The following GRM8 variants were observed in gnomAD, a reference collection of about 807,000 sequenced individuals.
GRM8 encodes glutamate metabotropic receptor 8.
A neutral mutation model predicts 87.2 loss-of-function variants in GRM8; 47 were observed. That is an observed-to-expected ratio of 0.54 (90% confidence interval 0.43 to 0.69). The LOEUF is 0.69. Among genes scored for constraint, GRM8 ranks in the 30% least tolerant of loss-of-function variants. GRM8 has a pLI of 0.00. For missense variants in GRM8, 1,019 were observed against 1,139.2 expected (o/e 0.89, Z 1.52); for synonymous variants, 396 against 404.5 (o/e 0.98, Z 0.25).
At chr7:127,080,207 C>T (rs894420792) in intron 3 of GRM8, among the ~76,000 whole-genome samples, 4 of 152,094 alleles carry the variant, frequency 2.6e-5, no homozygotes, top group Non-Finnish European at 5.9e-5. Context: ...AAAAAAGACT[C>T]GCTTGATCAT....
rs201752890 is a variant in GRM8 at position 127,083,643 on chromosome 7, T to TAACAAC, written c.727+22847_727+22852dup. On this transcript the variant is annotated intron_variant, in intron 3 of 10. Transcript: ENST00000339582. ...GCCCCCATACTCCTTGCATCCTACC[T>TAACAAC]AACAACAACAACAACAACAAAATCT... Among the ~76,000 whole-genome samples the TAACAAC allele has an allele frequency of 1.3e-4, 19 of 151,084 alleles. No individual in the cohort carries two copies. The South Asian group carries it at 3.8e-3, about 30-fold the overall frequency.
chr7:127,089,239 A>C (rs1823818222), intron 3 of GRM8, among the ~76,000 whole-genome samples: 1 of 152,230 alleles, frequency 6.6e-6, no homozygotes, highest in African/African-American at 2.4e-5. Flanking sequence ...GGAGTTATGC[A>C]GCTACAAGGC....
intron 3 of GRM8, among the ~76,000 whole-genome samples, chr7:126,942,148 A>G (rs1053009094): frequency 4.6e-5 from 7 of 151,670 alleles, no homozygotes; most frequent in Admixed American, 2.0e-4. Flanking sequence ...GAGCAAGCAA[A>G]TTTCCAAGCA....
intron 2 of GRM8, among the ~76,000 whole-genome samples, chr7:127,218,596 T>C (rs1796718002): frequency 6.6e-6 from 1 of 152,216 alleles, no homozygotes; most frequent in Non-Finnish European, 1.5e-5. Flanking sequence ...TGGTGCATAG[T>C]GAGCGTCAGC....
chr7:126,557,734 A>T (rs908099895), intron 8 of GRM8, among the ~76,000 whole-genome samples: 1 of 152,112 alleles, frequency 6.6e-6, no homozygotes, highest in Non-Finnish European at 1.5e-5. Flanking sequence ...ATTTGGGCAA[A>T]CTGTAAAAAT....
At chr7:126,833,281 G>C (rs1795557357) in intron 6 of GRM8, among the ~76,000 whole-genome samples, 1 of 152,130 alleles carries the variant, frequency 6.6e-6, no homozygotes, top group African/African-American at 2.4e-5. Flanking sequence ...GAAAAATTTA[G>C]ACAACTATTT....
chr7:127,193,524 G>A (rs1028187637), intron 2 of GRM8, among the ~76,000 whole-genome samples: 8 of 152,156 alleles, frequency 5.3e-5, no homozygotes, highest in African/African-American at 1.2e-4. Flanking sequence ...ATGTGAGGTC[G>A]GTTAATTCTC....
In GRM8 at chr7:126,769,982, A is replaced by C. The variant is rs1205685844; in HGVS notation, c.1240T>G (p.Tyr414Asp). ...TCTTTGTGCATATTGTGCAGGGCGT[A>C]AGCCATGGAATATACAGCATCAATT... The part of the protein sequence containing the change: ...FVIDAVYSMA[Y>D]ALHNMHKDLC... Residue 414 changes from tyrosine to aspartate, a missense_variant, in exon 7 of 11, where the codon TAC (tyrosine) becomes GAC (aspartate). Transcript: ENST00000339582. The C allele has an allele frequency of 2.5e-6, 4 of 1,612,018 alleles. No homozygotes were observed. The African/African-American group carries it at 5.3e-5, about 22-fold the overall frequency.
chr7:127,105,656 T>G (rs1474901814), intron 3 of GRM8, among the ~76,000 whole-genome samples: 2 of 152,230 alleles, frequency 1.3e-5, no homozygotes, highest in South Asian at 4.1e-4. Flanking sequence ...ATGGACACTT[T>G]AATTTTTCCA....
At chr7:126,575,125 A>C (rs1585096834) in intron 8 of GRM8, among the ~76,000 whole-genome samples, 1 of 152,170 alleles carries the variant, frequency 6.6e-6, no homozygotes, top group East Asian at 1.9e-4. Context: ...GCCTGTTAGG[A>C]ACTGGGCTGC....
At chr7:127,126,566 C>A (rs1416296300) in intron 2 of GRM8, among the ~76,000 whole-genome samples, 2 of 151,924 alleles carry the variant, frequency 1.3e-5, no homozygotes, top group African/African-American at 4.8e-5. Flanking sequence ...GCCAAGACTT[C>A]ACCACTATAT....
At chr7:126,509,841 A>G (rs1042711150) in intron 9 of GRM8, among the ~76,000 whole-genome samples, 3 of 152,064 alleles carry the variant, frequency 2.0e-5, no homozygotes, top group Non-Finnish European at 4.4e-5. Context: ...CACATAGGAC[A>G]TAGGTAATAA....
intron 7 of GRM8, among the ~76,000 whole-genome samples, chr7:126,743,919 G>T (rs961181863): frequency 6.6e-5 from 10 of 151,898 alleles, no homozygotes; most frequent in African/African-American, 2.2e-4. Flanking sequence ...ATAAGAAAAA[G>T]AAAAAGCAAC....
intron 2 of GRM8, among the ~76,000 whole-genome samples, chr7:127,139,036 C>T (rs1828106382): frequency 6.6e-6 from 1 of 152,100 alleles, no homozygotes; most frequent in South Asian, 2.1e-4. Context: ...TGCCCAAGGT[C>T]TTCTATAATA....
At chr7:126,497,400 T>C (rs978759213) in intron 9 of GRM8, among the ~76,000 whole-genome samples, 2 of 151,968 alleles carry the variant, frequency 1.3e-5, no homozygotes, top group Admixed American at 1.3e-4. Context: ...ATTCAGGGTA[T>C]TTTCATTAGC....
chr7:126,790,611 G>T (rs1821176799), intron 6 of GRM8, among the ~76,000 whole-genome samples: 1 of 152,142 alleles, frequency 6.6e-6, no homozygotes, highest in Non-Finnish European at 1.5e-5. Flanking sequence ...GATTATGATT[G>T]TAAGTCCTAG....
chr7:127,152,380 G>A (rs1792442737), intron 2 of GRM8, among the ~76,000 whole-genome samples: 1 of 152,044 alleles, frequency 6.6e-6, no homozygotes, highest in South Asian at 2.1e-4. Flanking sequence ...AGGCAAAAGT[G>A]GCAAGACAGG....
chr7:127,111,579 C>G (rs1375757582), intron 2 of GRM8, among the ~76,000 whole-genome samples: 1 of 152,216 alleles, frequency 6.6e-6, no homozygotes, highest in African/African-American at 2.4e-5. Flanking sequence ...CCATCTTAGG[C>G]TATGACCTAG....
chr7:126,723,657 A>T (rs1029444459), intron 7 of GRM8, among the ~76,000 whole-genome samples: 5 of 152,256 alleles, frequency 3.3e-5, no homozygotes, highest in Admixed American at 6.5e-5. Flanking sequence ...GAAGCTTTGC[A>T]CTCATAGGTG....
Sources: gnomAD v4.1 joint callset for allele counts (sites outside exome capture counted in the v4.1 genomes callset) on GRCh38, gnomAD v4.1.1 for gene constraint, MANE v1.5 for transcripts, NCBI Gene and HGNC (gene_info 2026-07-23, HGNC 2026-07-21) for gene names.